The following NRXN1 variants were observed in gnomAD, a reference collection of about 807,000 sequenced individuals.
NRXN1 encodes neurexin-1.
A neutral mutation model predicts 150.9 loss-of-function variants in NRXN1; 39 were observed. The observed-to-expected ratio is 0.26, with a 90% CI of 0.20 to 0.34. The LOEUF (loss-of-function observed/expected upper bound fraction) is 0.34, where lower values mean the gene tolerates loss of function less well. NRXN1 is among the 10% of genes least tolerant of loss of function. The pLI is 1.00. For missense variants in NRXN1, 1,815 were observed against 1,949.9 expected, an observed-to-expected ratio of 0.93 and a Z score of 1.30; for synonymous variants, 924 against 757.0, an observed-to-expected ratio of 1.22 and a Z score of -3.62.
chr2:51,021,130 A>C (rs1467334492), intron 2 of NRXN1, among the ~76,000 whole-genome samples: 1 of 152,048 alleles, frequency 6.6e-6, no homozygotes, highest in Non-Finnish European at 1.5e-5. Flanking sequence ...AGATTTTTGC[A>C]TACTGTTTTT....
At chr2:50,004,047 T>C (rs1684364088) in intron 21 of NRXN1, among the ~76,000 whole-genome samples, 1 of 152,058 alleles carries the variant, frequency 6.6e-6, no homozygotes, top group Admixed American at 6.6e-5. Context: ...AGGCATGGTG[T>C]AGTTGGTGAA....
chr2:50,978,833 C>T (rs75790181), intron 2 of NRXN1, among the ~76,000 whole-genome samples: 270 of 152,096 alleles, frequency 1.8e-3, no homozygotes, highest in African/African-American at 6.2e-3. Flanking sequence ...CCGGATGCTT[C>T]CTTAATATGT....
intron 18 of NRXN1, among the ~76,000 whole-genome samples, chr2:50,233,433 G>A (rs144375197): frequency 9.2e-5 from 14 of 152,030 alleles, no homozygotes; most frequent in African/African-American, 3.1e-4. Flanking sequence ...CTGAAAAATT[G>A]GATGACAAAC....
At chr2:49,994,703 C>T (rs183708938) in intron 21 of NRXN1, among the ~76,000 whole-genome samples, 1 of 152,170 alleles carries the variant, frequency 6.6e-6, no homozygotes, top group African/African-American at 2.4e-5. Context: ...AAACTTACAG[C>T]CATTAAATAG....
intron 17 of NRXN1, among the ~76,000 whole-genome samples, chr2:50,243,660 C>T (rs567492296): frequency 5.3e-5 from 8 of 151,930 alleles, no homozygotes; most frequent in African/African-American, 1.9e-4. Context: ...AAATCAGACA[C>T]TGTCATACCT....
chr2:50,436,568 C>T (rs950275021), intron 17 of NRXN1, among the ~76,000 whole-genome samples: 2 of 151,946 alleles, frequency 1.3e-5, no homozygotes, highest in Non-Finnish European at 1.5e-5. Context: ...ACTAAAATCC[C>T]ATTTTATTTT....
chr2:50,630,880 G>A (rs1232870187), intron 5 of NRXN1, among the ~76,000 whole-genome samples: 1 of 151,670 alleles, frequency 6.6e-6, no homozygotes, highest in Non-Finnish European at 1.5e-5. Flanking sequence ...CCAAGCAGAT[G>A]TACACATTAG....
intron 2 of NRXN1, among the ~76,000 whole-genome samples, chr2:50,982,824 A>G (rs867932087): frequency 3.4e-4 from 51 of 152,086 alleles, no homozygotes; most frequent in African/African-American, 1.1e-3. Flanking sequence ...AAATGATCCA[A>G]ACTCATAAAT....
At chr2:50,396,834 A>G (rs1264674976) in intron 17 of NRXN1, among the ~76,000 whole-genome samples, 2 of 152,138 alleles carry the variant, frequency 1.3e-5, no homozygotes, top group African/African-American at 4.8e-5. Context: ...TTTTTAAAAT[A>G]TATCTTCCAG....
At chr2:50,272,016 T>C (rs1419018552) in intron 17 of NRXN1, among the ~76,000 whole-genome samples, 3 of 152,030 alleles carry the variant, frequency 2.0e-5, no homozygotes, top group South Asian at 2.1e-4. Flanking sequence ...ATCCCAAGGA[T>C]AGACTTAATA....
intron 8 of NRXN1, chr2:50,619,119 T>C (rs1679532591): frequency 6.6e-6 from 1 of 152,116 alleles, no homozygotes; most frequent in Non-Finnish European, 1.5e-5. Flanking sequence ...GATTAAATTA[T>C]TTACTTCAGA....
chr2:50,641,880 T>C (rs1310667519), intron 5 of NRXN1, among the ~76,000 whole-genome samples: 1 of 152,088 alleles, frequency 6.6e-6, no homozygotes, highest in African/African-American at 2.4e-5. Flanking sequence ...TGACATCCAC[T>C]GAGTTCTTGC....
rs182807109 is a variant in NRXN1 at position 49,981,629 on chromosome 2, C to T, written c.4129-37838G>A. Among the ~76,000 whole-genome samples the T allele has an allele frequency of 3.7e-3, 559 of 152,124 alleles. 1 individual carries two copies. The highest frequency in any genetic ancestry group is 5.1e-3 in the Non-Finnish European group (345 of 67,958). ...TTAAATAAGACACCTATGAAGAAGGCCACAGATGACTTCATAACCCTATGC... is the reference window on the plus strand; with the variant it reads ...TTAAATAAGACACCTATGAAGAAGGTCACAGATGACTTCATAACCCTATGC... On this transcript the variant is annotated intron_variant, in intron 21 of 22. Coordinates refer to ENST00000401669, the MANE Select transcript of NRXN1 (RefSeq NM_001330078.2).
chr2:50,603,132 T>C (rs1676541892), intron 8 of NRXN1, among the ~76,000 whole-genome samples: 1 of 152,224 alleles, frequency 6.6e-6, no homozygotes, highest in Non-Finnish European at 1.5e-5. Context: ...CACACAGAGC[T>C]TATCCATCTA....
At chr2:50,932,745 A>G (rs1687947017) in intron 2 of NRXN1, among the ~76,000 whole-genome samples, 1 of 152,152 alleles carries the variant, frequency 6.6e-6, no homozygotes, top group Admixed American at 6.6e-5. Flanking sequence ...TAAAAAAATA[A>G]TGTGCTAGAA....
At chr2:50,380,276 ATGTGTG>A (rs61041420) in intron 17 of NRXN1, among the ~76,000 whole-genome samples, 4 of 149,680 alleles carry the variant, frequency 2.7e-5, no homozygotes, top group East Asian at 2.0e-4. Context: ...ATGACCACAT[ATGTGTG>A]TGTGTGTGTG....
intron 17 of NRXN1, among the ~76,000 whole-genome samples, chr2:50,250,497 T>C (rs1377360876): frequency 1.3e-5 from 2 of 152,110 alleles, no homozygotes; most frequent in Non-Finnish European, 2.9e-5. Context: ...TCTCTTTGTC[T>C]CTTGAATTAA....
At chr2:50,113,303 T>C (rs1024957304) in intron 18 of NRXN1, among the ~76,000 whole-genome samples, 11 of 152,248 alleles carry the variant, frequency 7.2e-5, no homozygotes, top group Non-Finnish European at 1.5e-4. Flanking sequence ...TGCATCATAA[T>C]TATTTGTGCA....
intron 17 of NRXN1, among the ~76,000 whole-genome samples, chr2:50,398,925 G>T (rs1442755679): frequency 6.6e-6 from 1 of 152,068 alleles, no homozygotes; most frequent in African/African-American, 2.4e-5. Context: ...GAGGATAGGA[G>T]GGTAGGTATA....
Sources: gnomAD v4.1 joint callset for allele counts (sites outside exome capture counted in the v4.1 genomes callset) on GRCh38, gnomAD v4.1.1 for gene constraint, MANE v1.5 for transcripts, NCBI Gene and HGNC (gene_info 2026-07-23, HGNC 2026-07-21) for gene names.